Variants in NCKAP5L observed in about 807,000 individuals in gnomAD.
NCKAP5L encodes the protein NCK associated protein 5 like, also known as nck-associated protein 5-like.
A neutral mutation model predicts 103.2 loss-of-function variants in NCKAP5L; 54 were observed. The ratio of observed to expected loss-of-function variants is 0.52; its 90% CI spans 0.42 to 0.66. The LOEUF (loss-of-function observed/expected upper bound fraction) is 0.66, where lower values mean the gene tolerates loss of function less well. Among genes scored for constraint, NCKAP5L ranks in the 30% least tolerant of loss-of-function variants. NCKAP5L has a pLI of 0.00. For missense variants in NCKAP5L, 1,733 were observed against 1,750.6 expected, an observed-to-expected ratio of 0.99 and a Z score of 0.18; for synonymous variants, 762 against 748.6, an observed-to-expected ratio of 1.02 and a Z score of -0.29.
At chr12:49,823,028 C>G (rs1293260149) in intron 1 of NCKAP5L, among the ~76,000 whole-genome samples, 1 of 152,138 alleles carries the variant, frequency 6.6e-6, no homozygotes, top group African/African-American at 2.4e-5. Flanking sequence ...TGTGGGGGCT[C>G]CAATCCAGGG....
rs1946126968 is a variant in NCKAP5L at position 49,802,141 on chromosome 12, A to T, written c.232-174T>A. On this transcript the variant is annotated intron_variant, in intron 5 of 12. Coordinates refer to ENST00000335999, the MANE Select transcript of NCKAP5L (RefSeq NM_001037806.4). The stretch of plus-strand genomic sequence containing the variant: ...TCTAAGCCTGCCGATGTTGGTAGCT[A>T]TAGCATCTTCTAGGGATGGTAAATT... 5 of 668,692 alleles carry T rather than the reference A, an allele frequency of 7.5e-6. No individual in the cohort carries two copies. The South Asian group carries it at 1.0e-4, about 14-fold the overall frequency. The allele number at this position is 668,692 out of a possible 1,614,324, so 41.4% of individuals were successfully genotyped here. A position where few individuals can be genotyped will look rare whatever the true frequency, so the allele number is the denominator to read the frequency against.
intron 1 of NCKAP5L, among the ~76,000 whole-genome samples, chr12:49,813,725 A>G (rs1409145105): frequency 6.6e-6 from 1 of 152,032 alleles, no homozygotes; most frequent in Non-Finnish European, 1.5e-5. Context: ...ATGGGGTTTC[A>G]CCATGTTGGC....
intron 1 of NCKAP5L, among the ~76,000 whole-genome samples, chr12:49,826,630 A>G (rs188951593): frequency 6.6e-6 from 1 of 152,282 alleles, no homozygotes; most frequent in Admixed American, 6.5e-5. Flanking sequence ...AGTGGAAGGG[A>G]ATATTAGAGC....
chr12:49,819,615 A>C (rs572949171), intron 1 of NCKAP5L, among the ~76,000 whole-genome samples: 1 of 152,288 alleles, frequency 6.6e-6, no homozygotes, highest in East Asian at 1.9e-4. Context: ...GATTCTAAAA[A>C]GTTGAATGCA....
Position 49,821,833 on chromosome 12 carries a change from C to T in NCKAP5L, c.-99+6489G>A, listed in dbSNP as rs532991965. Among the ~76,000 whole-genome samples the T allele has an allele frequency of 2.2e-4, 34 of 152,258 alleles. 1 individual carries two copies. Among genetic ancestry groups the T allele is most frequent in the Middle Eastern group, 3.4e-3 (1 of 294 alleles). On this transcript the variant is annotated intron_variant, in intron 1 of 12. Coordinates refer to ENST00000335999, the MANE Select transcript of NCKAP5L (RefSeq NM_001037806.4). ...TATAGCTTGAGAATTCCTCAGAGGCCGGTTTGACCTGAATCCTGGCATCTG... is the reference window on the plus strand; with the variant it reads ...TATAGCTTGAGAATTCCTCAGAGGCTGGTTTGACCTGAATCCTGGCATCTG...
Position 49,794,786 on chromosome 12 carries a change from A to T in NCKAP5L, c.3074T>A (p.Phe1025Tyr). ...LAGMYQGADTFMQQLLNRVDG... is the reference protein window; with the variant it reads ...LAGMYQGADTYMQQLLNRVDG... ...TCACCTGTTTAGCAGCTGCTGCATG[A>T]AGGTGTCTGCACCTTGGTACATGCC... Residue 1025 changes from phenylalanine to tyrosine, a missense_variant, in exon 8 of 13, where the codon TTC (phenylalanine) becomes TAC (tyrosine). Phe to Tyr is a conservative substitution (Grantham distance 22). Transcript: ENST00000335999. The T allele has an allele frequency of 6.5e-7, 1 of 1,535,116 alleles. No homozygotes were observed.
rs1257138869 is a variant in NCKAP5L at position 49,803,973 on chromosome 12, G to A, written c.72C>T (p.Ser24=). ...GCTCCTGGCAGGTGCCTGGCTCCATGCTGCCATCATCACCCTCTCCTGGCC... is the reference window on the plus strand; with the variant it reads ...GCTCCTGGCAGGTGCCTGGCTCCATACTGCCATCATCACCCTCTCCTGGCC... ...NPRPGEGDDG[S]MEPGTCQELL... The change falls in exon 3 of 13, where the codon AGC becomes AGT. Residue 24 remains serine, a synonymous_variant. Transcript: ENST00000335999. The A allele has an allele frequency of 1.9e-6, 3 of 1,612,046 alleles. No individual in the cohort carries two copies. Among genetic ancestry groups the A allele is most frequent in the Non-Finnish European group, 2.5e-6 (3 of 1,179,976 alleles).
rs550339475 is a variant in NCKAP5L at position 49,797,860 on chromosome 12, C to T, written c.466-466G>A. 1.3e-5 allele frequency among the ~76,000 whole-genome samples: 2 copies of T among 152,288 alleles called. No homozygotes were observed. The highest frequency in any genetic ancestry group is 2.4e-5 in the African/African-American group (1 of 41,560). ...CCTCCTCAGGGAACACAGCTGACCC[C>T]GCTGACCTCATCCCCAGCAGAAAGG... On this transcript the variant is annotated intron_variant, in intron 7 of 12. Coordinates refer to ENST00000335999, the MANE Select transcript of NCKAP5L (RefSeq NM_001037806.4). The surrounding 1 kb of genome is among the most constrained non-coding windows in gnomAD (Gnocchi z 4.5).
At chr12:49,802,015 G>T in intron 5 of NCKAP5L, 48 bp from the exon 6 acceptor site, 1 of 1,606,504 alleles carries the variant, frequency 6.2e-7, no homozygotes, top group Non-Finnish European at 8.5e-7. Flanking sequence ...AGGATGGTGG[G>T]AGAGTGTCAC....
chr12:49,819,484 A>G (rs949073745), intron 1 of NCKAP5L, among the ~76,000 whole-genome samples: 24 of 152,232 alleles, frequency 1.6e-4, no homozygotes, highest in African/African-American at 5.5e-4. Context: ...ATAATAGGAC[A>G]CTATTCAGTC....
In NCKAP5L at chr12:49,803,047, C is replaced by A. The variant is rs935509032; in HGVS notation, c.192+50G>T. The A allele has an allele frequency of 3.1e-6, 5 of 1,614,090 alleles. No homozygotes were observed. The African/African-American group carries it at 6.7e-5, about 22-fold the overall frequency. On this transcript the variant is annotated intron_variant, in intron 4 of 12. Coordinates refer to ENST00000335999, the MANE Select transcript of NCKAP5L (RefSeq NM_001037806.4). ...AGCCATCAGCTGACCCCAGCTTCTGCCAGGAGCAGATGAGCCACATCCCCC... is the reference window on the plus strand; with the variant it reads ...AGCCATCAGCTGACCCCAGCTTCTGACAGGAGCAGATGAGCCACATCCCCC...
intron 1 of NCKAP5L, among the ~76,000 whole-genome samples, chr12:49,811,703 G>A (rs1242026476): frequency 2.0e-5 from 3 of 152,048 alleles, no homozygotes; most frequent in Non-Finnish European, 2.9e-5. Flanking sequence ...GAGGGACTCC[G>A]AGTCTGCAGC....
At position 49,795,125 on chromosome 12, in the gene NCKAP5L, C is replaced by T. The variant is rs779030114; in HGVS notation, c.2735G>A (p.Arg912His). The T allele has an allele frequency of 1.3e-5, 21 of 1,612,558 alleles. No individual in the cohort carries two copies. Among genetic ancestry groups the T allele is most frequent in the Non-Finnish European group, 1.7e-5 (20 of 1,179,632 alleles). Reference protein sequence around the residue: ...ERAPGAEVKHRNTSSIASWFG... With the variant: ...ERAPGAEVKHHNTSSIASWFG... The stretch of plus-strand genomic sequence containing the variant: ...CCAGCTGGCGATGCTGCTGGTGTTG[C>T]GGTGCTTGACCTCGGCGCCAGGGGC... Residue 912 changes from arginine to histidine, a missense_variant, in exon 8 of 13, where the codon CGC (arginine) becomes CAC (histidine). By Grantham distance (29) the Arg-to-His change is conservative (BLOSUM62 0). Coordinates refer to ENST00000335999, the MANE Select transcript of NCKAP5L (RefSeq NM_001037806.4).
chr12:49,793,036 C>A, intron 10 of NCKAP5L, 50 bp from the exon 11 acceptor site: 1 of 1,350,636 alleles, frequency 7.4e-7, no homozygotes, highest in Non-Finnish European at 9.9e-7. Context: ...TGGGCTCAGT[C>A]CCCGGCCTGC....
intron 1 of NCKAP5L, among the ~76,000 whole-genome samples, chr12:49,821,259 ACCC>A (rs1369768003): frequency 4.6e-5 from 7 of 151,196 alleles, no homozygotes; most frequent in Non-Finnish European, 1.0e-4. Context: ...CCCCATCCCC[ACCC>A]CCCAACTTCC....
At chr12:49,798,568 C>T (rs961068590) in intron 6 of NCKAP5L, 105 bp from the exon 7 acceptor site, 1 of 893,852 alleles carries the variant, frequency 1.1e-6, no homozygotes, top group Non-Finnish European at 1.8e-6. Context: ...TCACGGAGGA[C>T]TCCCAGACTC....
In NCKAP5L at chr12:49,798,592, C is replaced by G. The variant is rs1226790852; in HGVS notation, c.352-129G>C. The G allele has an allele frequency of 3.9e-6, 3 of 774,248 alleles. No homozygotes were observed. In the African/African-American group the frequency reaches 5.3e-5, roughly 14 times the overall value. 48.0% of individuals were successfully genotyped at this position (774,248 alleles called of 1,614,324 possible). A position where few individuals can be genotyped will look rare whatever the true frequency, so the allele number is the denominator to read the frequency against. On this transcript the variant is annotated intron_variant, in intron 6 of 12. Coordinates refer to ENST00000335999, the MANE Select transcript of NCKAP5L (RefSeq NM_001037806.4). ...ACTCCCAGACTCCCAGCCCCAAATG[C>G]AGCTCTTGCTGCTGCCCCACCCACC...
intron 1 of NCKAP5L, among the ~76,000 whole-genome samples, chr12:49,822,277 A>G (rs2137042736): frequency 6.6e-6 from 1 of 152,286 alleles, no homozygotes; most frequent in Non-Finnish European, 1.5e-5. Flanking sequence ...TAAGCTGCCT[A>G]GTTTATGGTA....
Position 49,795,016 on chromosome 12 carries a change from G to C in NCKAP5L, c.2844C>G (p.Ser948=), listed in dbSNP as rs1384532171. 1.9e-6 allele frequency: 3 copies of C among 1,604,652 alleles called. No individual in the cohort carries two copies. Among genetic ancestry groups the C allele is most frequent in the Non-Finnish European group, 2.6e-6 (3 of 1,175,938 alleles). ...TKNKEGAGGG[S]PLRREVKMEA... ...CCATCTTGACTTCCCTCCGGAGCGGGGAGCCCCCGCCAGCCCCCTCCTTGT... is the reference window on the plus strand; with the variant it reads ...CCATCTTGACTTCCCTCCGGAGCGGCGAGCCCCCGCCAGCCCCCTCCTTGT... The change falls in exon 8 of 13, where the codon TCC becomes TCG. Residue 948 remains serine (S), a synonymous_variant. Coordinates refer to ENST00000335999, the MANE Select transcript of NCKAP5L (RefSeq NM_001037806.4).
Sources: gnomAD v4.1 joint callset for allele counts (sites outside exome capture counted in the v4.1 genomes callset) on GRCh38, gnomAD v4.1.1 for gene constraint, Gnocchi (gnomAD v3.1) non-coding constraint, MANE v1.5 for transcripts, NCBI Gene and HGNC (gene_info 2026-07-23, HGNC 2026-07-21) for gene names.